RPH3A: variants seen among roughly 807,000 people sequenced by gnomAD.
The protein encoded by RPH3A is rabphilin 3A.
RPH3A carries 48 observed loss-of-function variants against 102.2 expected under a neutral mutation model. The ratio of observed to expected loss-of-function variants is 0.47; its 90% confidence interval spans 0.37 to 0.60. The LOEUF is 0.60. Among genes scored for constraint, RPH3A ranks in the 20% least tolerant of loss-of-function variants. The pLI is 0.00. For missense variants in RPH3A, 781 were observed against 910.1 expected, an observed-to-expected ratio of 0.86 and a Z score of 1.83; for synonymous variants, 310 against 324.3, an observed-to-expected ratio of 0.96 and a Z score of 0.47.
intron 1 of RPH3A, among the ~76,000 whole-genome samples, chr12:112,678,232 C>CGAAAGAAAGAAAGAAAGAAAGAAAGAAA (rs757546615): frequency 2.7e-5 from 2 of 74,730 alleles, no homozygotes; most frequent in South Asian, 6.0e-4. Context: ...AAGACCCTGT[C>CGAAAGAAAGAAAGAAAGAAAGAAAGAAA]GAAAGAAAGA....
intron 1 of RPH3A, among the ~76,000 whole-genome samples, chr12:112,653,922 C>T (rs561587342): frequency 9.9e-5 from 15 of 151,994 alleles, no homozygotes; most frequent in African/African-American, 2.9e-4. Context: ...TTGTTAAAAA[C>T]GAAAACACAA....
chr12:112,713,944 C>T (rs934698807), intron 1 of RPH3A, among the ~76,000 whole-genome samples: 2 of 152,100 alleles, frequency 1.3e-5, no homozygotes, highest in African/African-American at 2.4e-5. Context: ...ATTTATTAGG[C>T]GACCATGGCC....
At chr12:112,727,462 C>G (rs1260381150) in intron 1 of RPH3A, among the ~76,000 whole-genome samples, 1 of 76,092 alleles carries the variant, frequency 1.3e-5, no homozygotes, top group African/African-American at 7.5e-5. Context: ...GACACAGACA[C>G]ACACACACAC....
intron 1 of RPH3A, among the ~76,000 whole-genome samples, chr12:112,624,269 G>A (rs2039755445): frequency 6.6e-6 from 1 of 150,966 alleles, no homozygotes; most frequent in Admixed American, 6.6e-5. Flanking sequence ...ATGAATCCAG[G>A]AGCTAGTTTT....
chr12:112,611,325 C>T (rs543121456), intron 1 of RPH3A, among the ~76,000 whole-genome samples: 11 of 152,322 alleles, frequency 7.2e-5, no homozygotes, highest in African/African-American at 2.4e-4. Context: ...ACCACCACCA[C>T]GACTGATGGT....
intron 2 of RPH3A, among the ~76,000 whole-genome samples, chr12:112,813,998 G>A: frequency 6.6e-6 from 1 of 151,420 alleles, no homozygotes; most frequent in East Asian, 1.9e-4. Context: ...TGGAGAGTGG[G>A]TATGGTGGGT....
intron 1 of RPH3A, among the ~76,000 whole-genome samples, chr12:112,721,009 A>G (rs1350923251): frequency 6.6e-6 from 1 of 152,222 alleles, no homozygotes. Flanking sequence ...ACTTGACCAA[A>G]TGACTTAGCC....
At chr12:112,883,477 G>A (rs2042957773) in intron 16 of RPH3A, 75 bp downstream of exon 16, 4 of 985,358 alleles carry the variant, frequency 4.1e-6, no homozygotes, top group South Asian at 1.3e-5. Context: ...CTTGGGGTGA[G>A]GCCCCCAGGG....
At chr12:112,584,258 T>G (rs74969842) in intron 1 of RPH3A, among the ~76,000 whole-genome samples, 2 of 141,844 alleles carry the variant, frequency 1.4e-5, no homozygotes, top group Admixed American at 1.4e-4. Context: ...CACAAAAGAA[T>G]AGAGTTAAGA....
chr12:112,831,821 T>C (rs1160793009), intron 3 of RPH3A: 1 of 455,888 alleles, frequency 2.2e-6, no homozygotes, highest in Non-Finnish European at 4.4e-6. Flanking sequence ...GCCAACAAAT[T>C]GCCCTTCCTC....
chr12:112,784,910 C>T (rs543835720), intron 1 of RPH3A, among the ~76,000 whole-genome samples: 43 of 152,326 alleles, frequency 2.8e-4, no homozygotes, highest in Middle Eastern at 6.8e-3. Flanking sequence ...ACTGGCTTAA[C>T]TGGGAAGCTG....
At chr12:112,682,177 T>C (rs1408122652) in intron 1 of RPH3A, among the ~76,000 whole-genome samples, 1 of 152,142 alleles carries the variant, frequency 6.6e-6, no homozygotes, top group Non-Finnish European at 1.5e-5. Flanking sequence ...TTATGGGAAC[T>C]GGTTTATGTG....
chr12:112,643,547 CT>C (rs1175656229), intron 1 of RPH3A, among the ~76,000 whole-genome samples: 11 of 152,248 alleles, frequency 7.2e-5, no homozygotes, highest in African/African-American at 2.2e-4. Context: ...GACATAGTTT[CT>C]GCTACATGGG....
chr12:112,786,341 G>A (rs1222145743), intron 1 of RPH3A, among the ~76,000 whole-genome samples: 5 of 152,176 alleles, frequency 3.3e-5, no homozygotes, highest in Non-Finnish European at 7.4e-5. Flanking sequence ...CACATAGGCC[G>A]ATCTCAGGGA....
chr12:112,649,167 A>G (rs2039956523), intron 1 of RPH3A, among the ~76,000 whole-genome samples: 1 of 152,230 alleles, frequency 6.6e-6, no homozygotes, highest in Non-Finnish European at 1.5e-5. Context: ...TTTGATGTAG[A>G]ATAGACCAGA....
chr12:112,818,182 C>T (rs1228039868), intron 2 of RPH3A, among the ~76,000 whole-genome samples: 1 of 151,922 alleles, frequency 6.6e-6, no homozygotes, highest in African/African-American at 2.4e-5. Flanking sequence ...CGCCTGTAGT[C>T]CCAGCTACTC....
chr12:112,687,254 G>T (rs1346461805), intron 1 of RPH3A, among the ~76,000 whole-genome samples: 2 of 152,190 alleles, frequency 1.3e-5, no homozygotes, highest in African/African-American at 4.8e-5. Context: ...GCTTTTCAAT[G>T]GGGGATATCA....
intron 1 of RPH3A, among the ~76,000 whole-genome samples, chr12:112,683,669 A>AAGGATT (rs2040242238): frequency 6.6e-6 from 1 of 152,134 alleles, no homozygotes; most frequent in Non-Finnish European, 1.5e-5. Flanking sequence ...GAATTGTCTC[A>AAGGATT]CTGCTGAGTG....
intron 1 of RPH3A, among the ~76,000 whole-genome samples, chr12:112,712,933 C>A (rs1054277972): frequency 1.8e-5 from 2 of 110,654 alleles, no homozygotes; most frequent in East Asian, 5.3e-4. Flanking sequence ...TCCTCTTCTT[C>A]TTCTTCTTCT....
Sources: allele counts gnomAD v4.1 joint callset (sites outside exome capture counted in the v4.1 genomes callset), GRCh38; gene constraint gnomAD v4.1.1; transcripts MANE v1.5; gene names NCBI Gene and HGNC (gene_info 2026-07-23, HGNC 2026-07-21).